Variants in MACROD2 observed in about 807,000 individuals in gnomAD.
MACROD2 encodes the protein mono-ADP ribosylhydrolase 2.
Under a neutral mutation model 70.4 loss-of-function variants are expected in MACROD2, and 36 were observed. The observed-to-expected ratio is 0.51, with a 90% CI of 0.39 to 0.68. MACROD2 has a LOEUF of 0.68. MACROD2 is among the 30% of genes least tolerant of loss of function. The probability of loss-of-function intolerance (pLI) is 0.00; values close to 1 mark genes in which losing one functional copy is unlikely to be tolerated. For missense variants in MACROD2, 496 were observed against 538.4 expected (o/e 0.92, Z 0.78); for synonymous variants, 172 against 178.8 (o/e 0.96, Z 0.30).
chr20:14,366,201 A>T (rs948395743), intron 3 of MACROD2, among the ~76,000 whole-genome samples: 2 of 152,110 alleles, frequency 1.3e-5, no homozygotes, highest in South Asian at 2.1e-4. Context: ...CAGTGCATGG[A>T]TGTCTTCCAC....
At chr20:15,926,806 A>C (rs971738535) in intron 10 of MACROD2, among the ~76,000 whole-genome samples, 1 of 152,182 alleles carries the variant, frequency 6.6e-6, no homozygotes, top group African/African-American at 2.4e-5. Flanking sequence ...GGAGAGAATG[A>C]ATGAAGACAG....
At chr20:15,967,207 A>G (rs1352642139) in intron 12 of MACROD2, among the ~76,000 whole-genome samples, 1 of 152,176 alleles carries the variant, frequency 6.6e-6, no homozygotes, top group African/African-American at 2.4e-5. Flanking sequence ...GAACATTAAA[A>G]TTAGATAGTC....
intron 3 of MACROD2, among the ~76,000 whole-genome samples, chr20:14,338,512 TG>T (rs774191009): frequency 6.6e-6 from 1 of 152,202 alleles, no homozygotes; most frequent in Non-Finnish European, 1.5e-5. Flanking sequence ...TTTTAGAAAA[TG>T]AAAGTATGTT....
chr20:16,011,849 G>C (rs1439754599), intron 15 of MACROD2, among the ~76,000 whole-genome samples: 1 of 152,200 alleles, frequency 6.6e-6, no homozygotes, highest in African/African-American at 2.4e-5. Flanking sequence ...GCACTTTTCA[G>C]CTCCATGATC....
At chr20:15,522,416 A>G (rs2047665398) in intron 8 of MACROD2, among the ~76,000 whole-genome samples, 1 of 152,250 alleles carries the variant, frequency 6.6e-6, no homozygotes, top group South Asian at 2.1e-4. Context: ...ACTAAATCAC[A>G]CCAAATCACT....
At chr20:15,751,947 C>T (rs1357618665) in intron 8 of MACROD2, among the ~76,000 whole-genome samples, 1 of 151,586 alleles carries the variant, frequency 6.6e-6, no homozygotes, top group Non-Finnish European at 1.5e-5. Flanking sequence ...GCTTCCATTT[C>T]TATTACTCTC....
chr20:14,408,235 T>C (rs2083712372), intron 3 of MACROD2, among the ~76,000 whole-genome samples: 1 of 152,210 alleles, frequency 6.6e-6, no homozygotes, highest in Non-Finnish European at 1.5e-5. Context: ...TTTTTTGTAG[T>C]TGACAATGTC....
chr20:15,206,711 T>A (rs1043015361), intron 5 of MACROD2, among the ~76,000 whole-genome samples: 2 of 133,586 alleles, frequency 1.5e-5, no homozygotes, highest in Admixed American at 1.5e-4. Flanking sequence ...AAGTCTTTCA[T>A]ATTATCTATG....
At chr20:15,474,314 G>C (rs537773642) in intron 7 of MACROD2, among the ~76,000 whole-genome samples, 3 of 152,140 alleles carry the variant, frequency 2.0e-5, no homozygotes, top group South Asian at 4.1e-4. Flanking sequence ...TTGTTGGTTT[G>C]TTTTTATTAT....
At chr20:14,076,487 CA>C (rs140845941) in intron 2 of MACROD2, among the ~76,000 whole-genome samples, 8 of 146,382 alleles carry the variant, frequency 5.5e-5, no homozygotes, top group Admixed American at 2.1e-4. Context: ...CCATCTCTAC[CA>C]AAAAAAAAAC....
chr20:16,049,795 C>A, intron 17 of MACROD2, 35 bp from the exon 18 acceptor site: 3 of 1,611,090 alleles, frequency 1.9e-6, no homozygotes, highest in Non-Finnish European at 2.5e-6. Flanking sequence ...GATGTCTTAT[C>A]TTTAATCTAA....
intron 7 of MACROD2, among the ~76,000 whole-genome samples, chr20:15,432,986 A>C (rs879325199): frequency 7.2e-5 from 11 of 152,072 alleles, no homozygotes; most frequent in Non-Finnish European, 1.3e-4. Flanking sequence ...CAGAAAAAGC[A>C]ATTGATAAAA....
At chr20:14,691,079 A>G (rs567999990) in intron 5 of MACROD2, among the ~76,000 whole-genome samples, 9 of 152,016 alleles carry the variant, frequency 5.9e-5, no homozygotes, top group Non-Finnish European at 8.8e-5. Flanking sequence ...CACAACACCC[A>G]GCTAATTTTT....
At chr20:15,393,450 G>A (rs1458919274) in intron 6 of MACROD2, among the ~76,000 whole-genome samples, 1 of 152,060 alleles carries the variant, frequency 6.6e-6, no homozygotes, top group Non-Finnish European at 1.5e-5. Flanking sequence ...TGACTCTTCT[G>A]TCTTTCCATC....
chr20:14,393,166 T>C (rs955895166), intron 3 of MACROD2, among the ~76,000 whole-genome samples: 3 of 152,170 alleles, frequency 2.0e-5, no homozygotes, highest in Non-Finnish European at 4.4e-5. Context: ...AAATGAGAGC[T>C]GATCAAAACT....
chr20:14,668,358 A>G (rs2070759046), intron 4 of MACROD2, among the ~76,000 whole-genome samples: 1 of 152,130 alleles, frequency 6.6e-6, no homozygotes, highest in Admixed American at 6.6e-5. Flanking sequence ...AATAAGGGGT[A>G]GAAAACTGGA....
At chr20:14,971,811 G>A (rs184355911) in intron 5 of MACROD2, among the ~76,000 whole-genome samples, 6 of 152,204 alleles carry the variant, frequency 3.9e-5, no homozygotes, top group South Asian at 2.1e-4. Context: ...TTGCTTGGCC[G>A]GCGGCATGTT....
At chr20:14,425,079 A>T (rs928367618) in intron 3 of MACROD2, among the ~76,000 whole-genome samples, 2 of 152,212 alleles carry the variant, frequency 1.3e-5, no homozygotes, top group Non-Finnish European at 2.9e-5. Context: ...GCCTAAATTT[A>T]TACCTAATGT....
chr20:16,049,133 T>C (rs1017380337), intron 17 of MACROD2, among the ~76,000 whole-genome samples: 1 of 151,860 alleles, frequency 6.6e-6, no homozygotes, highest in Non-Finnish European at 1.5e-5. Context: ...AGAAATCAGA[T>C]CATTTGTTCA....
Sources: allele counts gnomAD v4.1 joint callset (sites outside exome capture counted in the v4.1 genomes callset), GRCh38; gene constraint gnomAD v4.1.1; transcripts MANE v1.5; gene names NCBI Gene and HGNC (gene_info 2026-07-23, HGNC 2026-07-21).